The following MAF variants were observed in gnomAD, a reference collection of about 807,000 sequenced individuals.
MAF encodes the protein transcription factor Maf.
In MAF, 10 loss-of-function variants were observed where a neutral mutation model predicts 22.0. The ratio of observed to expected loss-of-function variants is 0.45; its 90% confidence interval spans 0.28 to 0.77. MAF has a LOEUF of 0.77. MAF is among the 30% of genes least tolerant of loss of function. MAF has a pLI of 0.12. For missense variants in MAF, 544 were observed against 548.4 expected (o/e 0.99, Z 0.08); for synonymous variants, 337 against 255.8 (o/e 1.32, Z -3.03).
the MAF span, among the ~76,000 whole-genome samples, chr16:79,384,723 C>G: frequency 2.0e-5 from 3 of 151,848 alleles, no homozygotes; most frequent in African/African-American, 4.8e-5. Flanking sequence ...CGCCACTGCA[C>G]TCCAGCCTGG....
At chr16:79,231,478 C>T in the MAF span, among the ~76,000 whole-genome samples, 15 of 152,136 alleles carry the variant, frequency 9.9e-5, no homozygotes, top group East Asian at 5.8e-4. Flanking sequence ...ACAGTGGTCT[C>T]GGCACCAAGA....
At chr16:79,248,705 T>C in the MAF span, among the ~76,000 whole-genome samples, 3 of 152,144 alleles carry the variant, frequency 2.0e-5, no homozygotes, top group South Asian at 4.1e-4. Flanking sequence ...ATTTTAGCTC[T>C]GGGAACATGG....
the MAF span, among the ~76,000 whole-genome samples, chr16:79,439,042 T>C: frequency 0.7 from 106,886 of 151,888 alleles, 37,650 homozygotes; most frequent in East Asian, 0.83. Context: ...CTTAAAGATA[T>C]TGTCGTGTCC....
At chr16:79,312,743 T>C in the MAF span, among the ~76,000 whole-genome samples, 3 of 152,334 alleles carry the variant, frequency 2.0e-5, no homozygotes, top group African/African-American at 7.2e-5. Context: ...CGTGCCTGTC[T>C]CCCTTGGAAG....
chr16:79,598,137 G>T (rs1225206319), intron 1 of MAF: 11 of 1,041,754 alleles, frequency 1.1e-5, no homozygotes, highest in Non-Finnish European at 1.0e-5. Flanking sequence ...CTCACATGAA[G>T]AACTCAGGAG....
downstream of MAF, among the ~76,000 whole-genome samples, chr16:79,584,156 G>C (rs1028777972): frequency 6.6e-6 from 1 of 152,088 alleles, no homozygotes; most frequent in African/African-American, 2.4e-5. Context: ...TTATGATTTA[G>C]TTTTTATATC....
the MAF span, among the ~76,000 whole-genome samples, chr16:79,542,315 C>G: frequency 6.6e-6 from 1 of 152,134 alleles, no homozygotes; most frequent in East Asian, 1.9e-4. Flanking sequence ...CTCTCGCTAG[C>G]TAGGTCTGGT....
At chr16:79,290,732 A>AT in the MAF span, among the ~76,000 whole-genome samples, 4 of 151,510 alleles carry the variant, frequency 2.6e-5, no homozygotes, top group Non-Finnish European at 5.9e-5. Context: ...ATGATGCCTC[A>AT]TTTTTTCCTT....
At chr16:79,483,273 C>T in the MAF span, among the ~76,000 whole-genome samples, 1 of 79,418 alleles carries the variant, frequency 1.3e-5, no homozygotes. Flanking sequence ...TCCCTATCTC[C>T]TTCCTTCCAT....
the MAF span, among the ~76,000 whole-genome samples, chr16:79,435,675 C>T: frequency 6.6e-6 from 1 of 152,138 alleles, no homozygotes; most frequent in Admixed American, 6.5e-5. Context: ...ATGTTCTCCC[C>T]AAATTCATCT....
chr16:79,553,574 G>T, the MAF span, among the ~76,000 whole-genome samples: 1 of 152,200 alleles, frequency 6.6e-6, no homozygotes, highest in Non-Finnish European at 1.5e-5. Flanking sequence ...CCTGTGCACT[G>T]GTCTGGCTGA....
At chr16:79,596,905 G>A (rs117707161) in intron 1 of MAF, 19,411 of 1,048,362 alleles carry the variant, frequency 0.019, 235 homozygotes, top group South Asian at 0.061. Context: ...TGTATTATAT[G>A]CTTGCAGGTT....
the MAF span, among the ~76,000 whole-genome samples, chr16:79,357,370 A>C: frequency 6.6e-6 from 1 of 152,226 alleles, no homozygotes; most frequent in Non-Finnish European, 1.5e-5. Context: ...GAGTTGCTTG[A>C]ACTTGGCAGC....
At chr16:79,497,340 C>G in the MAF span, among the ~76,000 whole-genome samples, 1 of 152,184 alleles carries the variant, frequency 6.6e-6, no homozygotes, top group African/African-American at 2.4e-5. Context: ...CAGGATGGAT[C>G]AGATGCTGCC....
chr16:79,361,077 G>A, the MAF span, among the ~76,000 whole-genome samples: 1 of 152,102 alleles, frequency 6.6e-6, no homozygotes, highest in Non-Finnish European at 1.5e-5. Context: ...GAAAAGAAAG[G>A]CCCAAATCAC....
At chr16:79,393,043 C>A in the MAF span, among the ~76,000 whole-genome samples, 1 of 152,202 alleles carries the variant, frequency 6.6e-6, no homozygotes, top group Non-Finnish European at 1.5e-5. Flanking sequence ...TTTCCAGGAC[C>A]ACTGTCTGGG....
the MAF span, among the ~76,000 whole-genome samples, chr16:79,278,092 G>A: frequency 6.6e-6 from 1 of 152,202 alleles, no homozygotes; most frequent in South Asian, 2.1e-4. Flanking sequence ...GTGAATACAA[G>A]TTTGCTTCTT....
At chr16:79,539,898 C>G in the MAF span, among the ~76,000 whole-genome samples, 1 of 152,008 alleles carries the variant, frequency 6.6e-6, no homozygotes, top group East Asian at 1.9e-4. Context: ...ATTTTTTTCT[C>G]TGATGAAATT....
chr16:79,237,679 C>G, the MAF span, among the ~76,000 whole-genome samples: 1 of 152,140 alleles, frequency 6.6e-6, no homozygotes, highest in Non-Finnish European at 1.5e-5. Flanking sequence ...TTTCTCAGCT[C>G]CTGCACTGTT....
Sources: gnomAD v4.1 joint callset for allele counts (sites outside exome capture counted in the v4.1 genomes callset) on GRCh38, gnomAD v4.1.1 for gene constraint, MANE v1.5 for transcripts, NCBI Gene and HGNC (gene_info 2026-07-23, HGNC 2026-07-21) for gene names.